The following SRI variants were observed in gnomAD, a reference collection of about 807,000 sequenced individuals.
The protein encoded by SRI is 22 kDa protein.
A neutral mutation model predicts 33.3 loss-of-function variants in SRI; 30 were observed. The observed-to-expected ratio is 0.90, with a 90% CI of 0.67 to 1.22. The LOEUF is 1.22. Ranked by LOEUF, SRI falls within the 50% of genes most tolerant of loss-of-function variation. The probability of loss-of-function intolerance (pLI) is 0.00; values close to 1 mark genes in which losing one functional copy is unlikely to be tolerated. For synonymous variants in SRI, 75 were observed against 89.9 expected (o/e 0.83, Z 0.94); for missense variants, 243 against 250.8 (o/e 0.97, Z 0.21).
chr7:88,217,043 G>C, intron 3 of SRI, 79 bp downstream of exon 3: 1 of 1,302,618 alleles, frequency 7.7e-7, no homozygotes. Flanking sequence ...CAGTTTTCTT[G>C]AAGGCTGTAA....
chr7:88,210,860 C>G, intron 4 of SRI, 22 bp downstream of exon 4: 1 of 1,609,560 alleles, frequency 6.2e-7, no homozygotes, highest in Non-Finnish European at 8.5e-7. Flanking sequence ...TTATTCTAGA[C>G]AACAATCAAA....
At chr7:88,220,648 AGGG>A (rs532919446), upstream of SRI, among the ~76,000 whole-genome samples, 205 of 152,294 alleles carry the variant, frequency 1.3e-3, no homozygotes, top group Non-Finnish European at 2.2e-3. Context: ...TTTCCTTCCT[AGGG>A]GACAATTCCT....
intron 2 of SRI, among the ~76,000 whole-genome samples, chr7:88,217,405 T>A (rs1402093444): frequency 6.6e-6 from 1 of 151,992 alleles, no homozygotes; most frequent in African/African-American, 2.4e-5. Flanking sequence ...AAAGAAAGAG[T>A]CTGTCTTGGC....
chr7:88,225,062 GC>G (rs1851966759), intron 1 of SRI, among the ~76,000 whole-genome samples: 1 of 152,276 alleles, frequency 6.6e-6, no homozygotes, highest in South Asian at 2.1e-4. Flanking sequence ...CCTGGAATAG[GC>G]ATGATAAGCA....
chr7:88,215,052 C>A, intron 3 of SRI: 1 of 413,810 alleles, frequency 2.4e-6, no homozygotes, highest in Non-Finnish European at 4.9e-6. Context: ...TTAAGAAGGG[C>A]CCATAGGCTC....
At chr7:88,219,511 CT>C in intron 1 of SRI, 11 of 190,848 alleles carry the variant, frequency 5.8e-5, no homozygotes, top group East Asian at 1.6e-4. Context: ...CAGGTTTTCC[CT>C]TTTTTTCCGT....
intron 1 of SRI, 177 bp from the exon 2 acceptor site, chr7:88,219,119 C>T (rs988085687): frequency 2.8e-5 from 18 of 634,264 alleles, no homozygotes; most frequent in Non-Finnish European, 1.7e-5. Context: ...ATTCACACCC[C>T]GTAATTTAAA....
At chr7:88,223,991 G>C (rs1045619780), upstream of SRI, among the ~76,000 whole-genome samples, 3 of 152,224 alleles carry the variant, frequency 2.0e-5, no homozygotes, top group African/African-American at 7.2e-5. Context: ...TAGGATGCAG[G>C]TCATGGTTAT....
In SRI at chr7:88,216,892, G is replaced by A. The variant is rs1250836623; in HGVS notation, c.205+230C>T. ...TGGCTTCAAGCGATCCTCCTGCCTGGGCCTCTGAAGTACTGGGATTACAGG... is the reference window on the plus strand; with the variant it reads ...TGGCTTCAAGCGATCCTCCTGCCTGAGCCTCTGAAGTACTGGGATTACAGG... On this transcript the variant is annotated intron_variant, in intron 3 of 7. Coordinates refer to ENST00000265729, the MANE Select transcript of SRI (RefSeq NM_003130.4). The A allele has an allele frequency of 8.8e-6, 5 of 567,036 alleles. No individual in the cohort carries two copies. In the African/African-American group the frequency reaches 9.4e-5, roughly 11 times the overall value. The allele number at this position is 567,036 out of a possible 1,614,324, so 35.1% of individuals were successfully genotyped here.
upstream of SRI, among the ~76,000 whole-genome samples, chr7:88,221,775 T>A (rs1329968867): frequency 6.6e-6 from 1 of 151,582 alleles, no homozygotes; most frequent in Admixed American, 6.6e-5. Context: ...GCCATGCTGG[T>A]GCGCTGCACC....
upstream of SRI, among the ~76,000 whole-genome samples, chr7:88,221,458 T>G (rs1313934562): frequency 6.6e-6 from 1 of 152,180 alleles, no homozygotes; most frequent in Non-Finnish European, 1.5e-5. Flanking sequence ...AGTCCCCTGG[T>G]CTCTCTTTGG....
chr7:88,226,120 T>C lies in SRI; in HGVS notation c.6+789A>G, dbSNP rs530535571. ...ACCTGTGTTCAGCACCAGTGTTCTCTTAGGATGACTCTTCCTAAGAACATT... is the reference window on the plus strand; with the variant it reads ...ACCTGTGTTCAGCACCAGTGTTCTCCTAGGATGACTCTTCCTAAGAACATT... On this transcript the variant is annotated intron_variant, in intron 1 of 7. Coordinates refer to the SRI transcript ENST00000394641. 5.9e-5 allele frequency among the ~76,000 whole-genome samples: 9 copies of C among 152,324 alleles called. No individual in the cohort carries two copies. The South Asian group carries it at 1.9e-3, about 32-fold the overall frequency.
At chr7:88,221,142 C>T (rs1851880318), upstream of SRI, among the ~76,000 whole-genome samples, 1 of 152,180 alleles carries the variant, frequency 6.6e-6, no homozygotes, top group South Asian at 2.1e-4. Context: ...GGGTCATCAA[C>T]ATTTCACAAA....
At chr7:88,226,161 G>C (rs1851988903) in intron 1 of SRI, among the ~76,000 whole-genome samples, 1 of 152,116 alleles carries the variant, frequency 6.6e-6, no homozygotes, top group African/African-American at 2.4e-5. Context: ...AGTATATTAT[G>C]GGGGTGTTAA....
Position 88,206,399 on chromosome 7 carries a change from TATTA to T in SRI, c.*75_*78del. 1 of 1,520,698 alleles carries T rather than the reference TATTA, an allele frequency of 6.6e-7. No homozygotes were observed. The highest frequency in any genetic ancestry group is 1.1e-5 in the South Asian group (1 of 89,150). 94.2% of individuals were successfully genotyped at this position (1,520,698 alleles called of 1,614,324 possible). A position where few individuals can be genotyped will look rare whatever the true frequency, so the allele number is the denominator to read the frequency against. On this transcript the variant is annotated 3_prime_UTR_variant, in exon 8 of 8. Transcript: ENST00000265729. ...GAAAGTCGTGATGTAAGTTTATACA[TATTA>T]CCGAAGGCAAAGAGGACAAGCAAAG...
intron 1 of SRI, among the ~76,000 whole-genome samples, chr7:88,226,748 G>A (rs1483830427): frequency 6.6e-6 from 1 of 152,152 alleles, no homozygotes; most frequent in Non-Finnish European, 1.5e-5. Context: ...GAAATCAGTG[G>A]CAAAGCTGAG....
At chr7:88,225,083 A>G (rs1851967434) in intron 1 of SRI, among the ~76,000 whole-genome samples, 1 of 152,190 alleles carries the variant, frequency 6.6e-6, no homozygotes, top group African/African-American at 2.4e-5. Flanking sequence ...AAGATAAATC[A>G]GTTATTAACA....
intron 2 of SRI, among the ~76,000 whole-genome samples, chr7:88,217,487 G>A (rs1024066823): frequency 2.0e-5 from 3 of 151,886 alleles, no homozygotes; most frequent in African/African-American, 7.3e-5. Flanking sequence ...TTTTTGATGG[G>A]GGTGGAGAGA....
Position 88,226,896 on chromosome 7 carries a change from A to T in SRI, c.6+13T>A, listed in dbSNP as rs186597418. ...TGGAATAGTCTAATATTATATACAT[A>T]TCATTTACTTGCCTGCATCTTGAGT... On this transcript the variant is annotated intron_variant, in intron 1 of 7. Coordinates refer to the SRI transcript ENST00000394641. 7 of 1,612,996 alleles carry T rather than the reference A, an allele frequency of 4.3e-6. No individual in the cohort carries two copies. The East Asian group carries it at 1.6e-4, about 36-fold the overall frequency.
Sources: gnomAD v4.1 joint callset for allele counts (sites outside exome capture counted in the v4.1 genomes callset) on GRCh38, gnomAD v4.1.1 for gene constraint, MANE v1.5 for transcripts, NCBI Gene and HGNC (gene_info 2026-07-23, HGNC 2026-07-21) for gene names.